The following ZNF227 variants were observed in gnomAD, a reference collection of about 807,000 sequenced individuals.
ZNF227 encodes the protein zinc finger protein 227.
Under a neutral mutation model 13.2 loss-of-function variants are expected in ZNF227, and 12 were observed. The ratio of observed to expected loss-of-function variants is 0.91; its 90% CI spans 0.58 to 1.47. The LOEUF (loss-of-function observed/expected upper bound fraction) is 1.47, where lower values mean the gene tolerates loss of function less well. Among genes scored for constraint, ZNF227 ranks in the 40% most tolerant of loss-of-function variants. The pLI is 0.00. For missense variants in ZNF227, 885 were observed against 967.5 expected (o/e 0.91, Z 1.13); for synonymous variants, 338 against 326.0 (o/e 1.04, Z -0.40).
Position 44,228,590 on chromosome 19 carries a change from C to T in ZNF227, c.187+18C>T. On this transcript the variant is annotated intron_variant, in intron 4 of 5. Transcript: ENST00000313040. Reference sequence around the variant, plus strand: ...TGCAGTGGGTGAGGACAGGCACTCTCTGACCCTGAACTTCAGTTCCCTTGA... The same window carrying T: ...TGCAGTGGGTGAGGACAGGCACTCTTTGACCCTGAACTTCAGTTCCCTTGA... The T allele has an allele frequency of 1.3e-6, 2 of 1,594,088 alleles. No homozygotes were observed. The highest frequency in any genetic ancestry group is 1.7e-6 in the Non-Finnish European group (2 of 1,172,414).
At chr19:44,218,137 C>G (rs554280415) in intron 3 of ZNF227, among the ~76,000 whole-genome samples, 17 of 152,266 alleles carry the variant, frequency 1.1e-4, no homozygotes, top group African/African-American at 4.1e-4. Flanking sequence ...ACACATTTTG[C>G]AATACTTGAG....
rs553307394 is a variant in ZNF227 at position 44,236,786 on chromosome 19, C to T, written c.2356C>T (p.Arg786Cys). 6.2e-5 allele frequency: 99 copies of T among 1,603,210 alleles called. No homozygotes were observed. The highest frequency in any genetic ancestry group is 2.6e-4 in the South Asian group (23 of 89,506). The change falls in exon 6 of 6, where the codon CGT becomes TGT. Residue 786 changes from arginine to cysteine, a missense_variant. By Grantham distance (180) the Arg-to-Cys change is radical (BLOSUM62 -3). Coordinates refer to ENST00000313040, the MANE Select transcript of ZNF227 (RefSeq NM_182490.3). ...TGATAAGGACTTCCGTCACCGTTCA[C>T]GTCTTACATATCATCAGAAAGTCCA... ...ICDKDFRHRS[R>C]LTYHQKVHTG...
intron 3 of ZNF227, among the ~76,000 whole-genome samples, chr19:44,221,753 G>C (rs1214622666): frequency 6.6e-6 from 1 of 152,138 alleles, no homozygotes; most frequent in Non-Finnish European, 1.5e-5. Flanking sequence ...CTGTGCAGAA[G>C]CTCTTTAGTT....
intron 5 of ZNF227, among the ~76,000 whole-genome samples, chr19:44,234,056 G>A (rs939786968): frequency 7.9e-5 from 12 of 152,178 alleles, no homozygotes; most frequent in African/African-American, 2.7e-4. Context: ...TTTCCAAGCT[G>A]AACATACCTC....
At chr19:44,232,656 A>C (rs1973961056) in intron 5 of ZNF227, among the ~76,000 whole-genome samples, 1 of 151,670 alleles carries the variant, frequency 6.6e-6, no homozygotes, top group South Asian at 2.1e-4. Flanking sequence ...CATATCTATA[A>C]ATTGCTTGTT....
chr19:44,224,896 T>C, intron 3 of ZNF227, among the ~76,000 whole-genome samples: 1 of 152,200 alleles, frequency 6.6e-6, no homozygotes, highest in Non-Finnish European at 1.5e-5. Flanking sequence ...GATTTTGCAG[T>C]GGCTGGTACT....
chr19:44,209,423 A>G (rs957551772), upstream of ZNF227, among the ~76,000 whole-genome samples: 4 of 152,232 alleles, frequency 2.6e-5, no homozygotes, highest in South Asian at 2.1e-4. Flanking sequence ...AGGAAAGCAA[A>G]TAACTTCAGG....
chr19:44,231,875 A>T (rs2122917933), intron 5 of ZNF227, among the ~76,000 whole-genome samples: 1 of 152,346 alleles, frequency 6.6e-6, no homozygotes, highest in South Asian at 2.1e-4. Flanking sequence ...AGTTGTTGGA[A>T]TGTAGAACTT....
chr19:44,234,007 C>T (rs578044491), intron 5 of ZNF227, among the ~76,000 whole-genome samples: 2 of 152,240 alleles, frequency 1.3e-5, no homozygotes, highest in East Asian at 1.9e-4. Context: ...CTGAAGGGAG[C>T]GAGAGAACAA....
At chr19:44,218,509 G>C (rs576264805) in intron 3 of ZNF227, among the ~76,000 whole-genome samples, 1 of 152,274 alleles carries the variant, frequency 6.6e-6, no homozygotes, top group South Asian at 2.1e-4. Flanking sequence ...TTTATTAGAT[G>C]CTTTCAGAGA....
rs752710412 is a variant in ZNF227 at position 44,235,480 on chromosome 19, A to G, written c.1050A>G (p.Lys350=). The G allele has an allele frequency of 3.1e-6, 5 of 1,614,050 alleles. No individual in the cohort carries two copies. The highest frequency in any genetic ancestry group is 2.7e-5 in the African/African-American group (2 of 74,938). The change falls in exon 6 of 6, where the codon AAA becomes AAG. Residue 350 remains lysine, a synonymous_variant. Transcript: ENST00000313040. ...IIHYRTHTGE[K]PYKCEECGKC... is the part of the protein sequence containing the mutation. ...ATTACAGAACTCATACTGGAGAGAA[A>G]CCCTATAAATGCGAGGAATGTGGTA...
chr19:44,217,625 A>T, intron 2 of ZNF227, 166 bp from the exon 3 acceptor site: 1 of 807,630 alleles, frequency 1.2e-6, no homozygotes, highest in South Asian at 1.3e-5. Flanking sequence ...GCCCAATGGC[A>T]CTGAACTATC....
intron 2 of ZNF227, chr19:44,217,343 T>C: frequency 6.8e-6 from 3 of 438,990 alleles, no homozygotes; most frequent in Non-Finnish European, 1.4e-5. Flanking sequence ...GAACTCTCCA[T>C]CTACTTATTT....
At position 44,236,201 on chromosome 19, in the gene ZNF227, CT is replaced by C. The variant is rs1452995458; in HGVS notation, c.1773del (p.His592MetfsTer26). On this transcript the variant is annotated frameshift_variant, in exon 6 of 6. Coordinates refer to ENST00000313040, the MANE Select transcript of ZNF227 (RefSeq NM_182490.3). LOFTEE classifies it low-confidence loss of function (END_TRUNC). ...CGKGFSWRSN[L>X]HAHQRVHSGE... ...GAAGGGCTTCAGTTGGAGATCAAAT[CT>C]TCATGCACATCAAAGAGTTCACTCA... is the stretch of plus-strand genomic sequence containing the variant. 6.2e-7 allele frequency: 1 copy of C among 1,614,132 alleles called. No individual in the cohort carries two copies. The highest frequency in any genetic ancestry group is 1.1e-5 in the South Asian group (1 of 91,074).
At position 44,235,906 on chromosome 19, in the gene ZNF227, TA is replaced by T; in HGVS notation, c.1479del (p.Lys493AsnfsTer76). 1 of 1,613,390 alleles carries T rather than the reference TA, an allele frequency of 6.2e-7. No homozygotes were observed. The highest frequency in any genetic ancestry group is 8.5e-7 in the Non-Finnish European group (1 of 1,179,788). ...GAGTTCACACGGGAGAGAAACCCTA[TA>T]AATGTAAGGAGTGTGGTAAGGGCTT... is the stretch of plus-strand genomic sequence containing the variant. ...FRVHTGEKPY[K>X]CKECGKGFSQ... On this transcript the variant is annotated frameshift_variant, in exon 6 of 6. Transcript: ENST00000313040. LOFTEE classifies it low-confidence loss of function (END_TRUNC).
chr19:44,217,782 C>T lies in ZNF227; in HGVS notation c.-2-9C>T. Reference sequence around the variant, plus strand: ...GCTTGTGTCTCATGGCGTCTTTGGTCTCCCCCAGTTATGCCATCTCAGAAC... The same window carrying T: ...GCTTGTGTCTCATGGCGTCTTTGGTTTCCCCCAGTTATGCCATCTCAGAAC... On this transcript the variant is annotated splice_polypyrimidine_tract_variant and intron_variant, in intron 2 of 5. Coordinates refer to ENST00000313040, the MANE Select transcript of ZNF227 (RefSeq NM_182490.3). 2 of 1,614,174 alleles carry T rather than the reference C, an allele frequency of 1.2e-6. No homozygotes were observed. Among genetic ancestry groups the T allele is most frequent in the Non-Finnish European group, 1.7e-6 (2 of 1,180,010 alleles).
In ZNF227 at chr19:44,236,744, T is replaced by C. The variant is rs1399466975; in HGVS notation, c.2314T>C (p.Tyr772His). The C allele has an allele frequency of 7.4e-6, 12 of 1,614,014 alleles. No individual in the cohort carries two copies. Among genetic ancestry groups the C allele is most frequent in the South Asian group, 1.1e-5 (1 of 91,080 alleles). ...GAGAGTCCACACTGGAGAAAAACCATACAAATGTGACATATGTGATAAGGA... is the reference window on the plus strand; with the variant it reads ...GAGAGTCCACACTGGAGAAAAACCACACAAATGTGACATATGTGATAAGGA... ...HQRVHTGEKP[Y>H]KCDICDKDFR... The change falls in exon 6 of 6, where the codon TAC becomes CAC. Residue 772 changes from tyrosine (Y) to histidine (H), a missense_variant. Transcript: ENST00000313040.
chr19:44,233,943 G>A (rs999294632), intron 5 of ZNF227, among the ~76,000 whole-genome samples: 9 of 152,030 alleles, frequency 5.9e-5, no homozygotes, highest in East Asian at 1.9e-4. Context: ...TTTTTACATC[G>A]TGTGTTATGG....
At position 44,235,087 on chromosome 19, in the gene ZNF227, T is replaced by C. The variant is rs751066650; in HGVS notation, c.657T>C (p.Thr219=). 2 of 1,613,894 alleles carry C rather than the reference T, an allele frequency of 1.2e-6. No individual in the cohort carries two copies. The highest frequency in any genetic ancestry group is 2.2e-5 in the South Asian group (2 of 90,958). Residue 219 remains threonine, a synonymous_variant, in exon 6 of 6, where the codon ACT becomes ACC. Transcript: ENST00000313040. ...KKSPFHEHIK[T]DTEPKPCKGN... ...CACCATTTCATGAGCATATTAAAAC[T>C]GACACAGAACCAAAACCCTGCAAAG...
Sources: allele counts gnomAD v4.1 joint callset (sites outside exome capture counted in the v4.1 genomes callset), GRCh38; gene constraint gnomAD v4.1.1; transcripts MANE v1.5; gene names NCBI Gene and HGNC (gene_info 2026-07-23, HGNC 2026-07-21).